CSGALNACT1: variants seen among roughly 807,000 people sequenced by gnomAD.
The protein encoded by CSGALNACT1 is chondroitin sulfate N-acetylgalactosaminyltransferase 1.
A neutral mutation model predicts 51.0 loss-of-function variants in CSGALNACT1; 52 were observed. The ratio of observed to expected loss-of-function variants is 1.02; its 90% CI spans 0.82 to 1.29. CSGALNACT1 has a LOEUF of 1.29. Among genes scored for constraint, CSGALNACT1 ranks in the 50% most tolerant of loss-of-function variants. The pLI is 0.00. For synonymous variants in CSGALNACT1, 341 were observed against 254.4 expected, an observed-to-expected ratio of 1.34 and a Z score of -3.24; for missense variants, 935 against 679.2, an observed-to-expected ratio of 1.38 and a Z score of -4.19.
intron 1 of CSGALNACT1, among the ~76,000 whole-genome samples, chr8:19,652,557 T>A (rs1000809223): frequency 6.6e-6 from 1 of 152,094 alleles, no homozygotes; most frequent in African/African-American, 2.4e-5. Context: ...TTGTCAGCCT[T>A]CCTTCTGTCT....
At chr8:19,738,019 TA>T (rs1171637757) in intron 1 of CSGALNACT1, among the ~76,000 whole-genome samples, 1 of 152,186 alleles carries the variant, frequency 6.6e-6, no homozygotes, top group African/African-American at 2.4e-5. Context: ...ACTGTACACT[TA>T]AAAATGGTTA....
chr8:19,465,626 G>C (rs1009189457), intron 4 of CSGALNACT1, among the ~76,000 whole-genome samples: 2 of 152,186 alleles, frequency 1.3e-5, no homozygotes, highest in African/African-American at 4.8e-5. Context: ...GCTATGGGAA[G>C]ATTCCCAGGA....
intron 4 of CSGALNACT1, among the ~76,000 whole-genome samples, chr8:19,497,933 C>A (rs1168004342): frequency 6.6e-6 from 1 of 152,164 alleles, no homozygotes; most frequent in Non-Finnish European, 1.5e-5. Context: ...TTGAGTCTTA[C>A]CACCTTTGCT....
chr8:19,753,023 C>G (rs1270199218), intron 1 of CSGALNACT1, among the ~76,000 whole-genome samples: 1 of 152,154 alleles, frequency 6.6e-6, no homozygotes, highest in South Asian at 2.1e-4. Context: ...CTTGCCCAAA[C>G]TAAATTGTCC....
rs959634507 is a variant in CSGALNACT1, at chr8:19,506,037, G to A, written c.-203C>T. ...TTCTCTACTTTTAAAGGATGATCTT[G>A]CAGGCAGAAGCAATGACTGAAGTGA... On this transcript the variant is annotated 5_prime_UTR_variant, in exon 4 of 10. An upstream open reading frame in the 5' UTR gains an earlier in-frame stop. Coordinates refer to ENST00000454498, the Ensembl canonical transcript of CSGALNACT1. The A allele has an allele frequency of 2.8e-5, 20 of 707,246 alleles. No homozygotes were observed. The highest frequency in any genetic ancestry group is 4.8e-5 in the Non-Finnish European group (19 of 393,466). The allele number at this position is 707,246 out of a possible 1,614,324, so 43.8% of individuals were successfully genotyped here. A position where few individuals can be genotyped will look rare whatever the true frequency, so the allele number is the denominator to read the frequency against.
chr8:19,441,238 CAA>C (rs1188221251), intron 5 of CSGALNACT1, among the ~76,000 whole-genome samples: 1 of 152,074 alleles, frequency 6.6e-6, no homozygotes, highest in African/African-American at 2.4e-5. Flanking sequence ...CATATGGAAC[CAA>C]AAAAGAGCCT....
intron 1 of CSGALNACT1, among the ~76,000 whole-genome samples, chr8:19,701,159 T>G (rs1489533812): frequency 1.4e-5 from 2 of 140,662 alleles, no homozygotes; most frequent in Admixed American, 1.4e-4. Flanking sequence ...ATCCGTTTTT[T>G]TTTTTTTTTT....
chr8:19,715,254 G>C (rs1039509132), intron 1 of CSGALNACT1, among the ~76,000 whole-genome samples: 4 of 152,128 alleles, frequency 2.6e-5, no homozygotes, highest in South Asian at 2.1e-4. Context: ...TTTCCCACTA[G>C]GTCCCTCCCA....
intron 3 of CSGALNACT1, among the ~76,000 whole-genome samples, chr8:19,562,513 AACAG>A (rs1187403656): frequency 1.3e-5 from 2 of 152,060 alleles, no homozygotes; most frequent in South Asian, 2.1e-4. Context: ...CATCAGAGCA[AACAG>A]ACAATCTACA....
At chr8:19,684,702 G>C (rs77397753), upstream of CSGALNACT1, among the ~76,000 whole-genome samples, 34 of 152,252 alleles carry the variant, frequency 2.2e-4, no homozygotes, top group African/African-American at 7.9e-4. Context: ...AGTGCATGGA[G>C]TTCTGGAAAG....
At chr8:19,663,967 C>A (rs980500504) in intron 1 of CSGALNACT1, among the ~76,000 whole-genome samples, 3 of 152,136 alleles carry the variant, frequency 2.0e-5, no homozygotes, top group East Asian at 3.9e-4. Flanking sequence ...GAAGTGACAC[C>A]ATCTTCACAG....
At chr8:19,486,758 C>T (rs971308064) in intron 4 of CSGALNACT1, among the ~76,000 whole-genome samples, 1 of 152,094 alleles carries the variant, frequency 6.6e-6, no homozygotes, top group Non-Finnish European at 1.5e-5. Context: ...AAAGGGAATC[C>T]CCTTTACTCA....
rs935758860 is a variant in CSGALNACT1 at position 19,506,090 on chromosome 8, A to G, written c.-256T>C. 9.2e-6 allele frequency: 6 copies of G among 652,604 alleles called. No homozygotes were observed. The highest frequency in any genetic ancestry group is 7.1e-5 in the African/African-American group (4 of 56,306). The allele number at this position is 652,604 out of a possible 1,614,324, so 40.4% of individuals were successfully genotyped here. A position where few individuals can be genotyped will look rare whatever the true frequency, so the allele number is the denominator to read the frequency against. On this transcript the variant is annotated 5_prime_UTR_variant, in exon 4 of 10. It removes an upstream start codon present in the reference 5' UTR. Transcript: ENST00000454498. ...TCTCCAAGTTTTCACCTTCATTCCC[A>G]TCACAGCCTTCCTGATGTGCAGCCA...
intron 1 of CSGALNACT1, among the ~76,000 whole-genome samples, chr8:19,745,878 A>C (rs1410545768): frequency 2.0e-5 from 3 of 152,128 alleles, no homozygotes; most frequent in Non-Finnish European, 2.9e-5. Flanking sequence ...GAAGGAATAT[A>C]AGTACACATC....
At chr8:19,499,780 T>C (rs971938202) in intron 4 of CSGALNACT1, among the ~76,000 whole-genome samples, 1 of 152,058 alleles carries the variant, frequency 6.6e-6, no homozygotes, top group Non-Finnish European at 1.5e-5. Flanking sequence ...AAAATGAAAA[T>C]GTGGGGCCCC....
intron 3 of CSGALNACT1, among the ~76,000 whole-genome samples, chr8:19,508,209 C>T (rs1448212202): frequency 6.6e-6 from 1 of 152,204 alleles, no homozygotes; most frequent in Non-Finnish European, 1.5e-5. Context: ...CTCTCAAAGA[C>T]AGAATGTTAA....
intron 3 of CSGALNACT1, among the ~76,000 whole-genome samples, chr8:19,515,176 C>T (rs970735376): frequency 2.6e-5 from 4 of 151,928 alleles, no homozygotes; most frequent in African/African-American, 9.7e-5. Flanking sequence ...CACCTGCTGT[C>T]AGGCCATGTC....
chr8:19,604,170 G>A (rs1233903841), upstream of CSGALNACT1, among the ~76,000 whole-genome samples: 1 of 152,186 alleles, frequency 6.6e-6, no homozygotes, highest in East Asian at 1.9e-4. Flanking sequence ...GAGACTAGAA[G>A]GCAAACCCAC....
At chr8:19,563,585 C>T (rs1275684687) in intron 3 of CSGALNACT1, among the ~76,000 whole-genome samples, 3 of 152,146 alleles carry the variant, frequency 2.0e-5, no homozygotes, top group Non-Finnish European at 4.4e-5. Flanking sequence ...TCACCATCAC[C>T]GCTCTTGAAT....
Sources: gnomAD v4.1 joint callset for allele counts (sites outside exome capture counted in the v4.1 genomes callset) on GRCh38, gnomAD v4.1.1 for gene constraint, MANE v1.5 for transcripts, NCBI Gene and HGNC (gene_info 2026-07-23, HGNC 2026-07-21) for gene names.